ADAMTSL1: variants seen among roughly 807,000 people sequenced by gnomAD.
ADAMTSL1 encodes ADAMTS like 1.
In ADAMTSL1, 126 loss-of-function variants were observed where a neutral mutation model predicts 201.8. That is an observed-to-expected ratio of 0.62 (90% CI 0.54 to 0.72). ADAMTSL1 has a LOEUF of 0.72. Among genes scored for constraint, ADAMTSL1 ranks in the 30% least tolerant of loss-of-function variants. The pLI, the probability that ADAMTSL1 is intolerant of heterozygous loss-of-function variation, is 0.00. For synonymous variants in ADAMTSL1, 1,121 were observed against 903.4 expected, an observed-to-expected ratio of 1.24 and a Z score of -4.32; for missense variants, 2,679 against 2,277.8, an observed-to-expected ratio of 1.18 and a Z score of -3.59.
At chr9:17,997,771 A>G (rs563621357) in intron 1 of ADAMTSL1, among the ~76,000 whole-genome samples, 33 of 152,236 alleles carry the variant, frequency 2.2e-4, no homozygotes, top group African/African-American at 7.7e-4. Context: ...CATTTCAAAA[A>G]TGACAGTTGG....
At chr9:18,783,228 G>A (rs1313385454) in intron 19 of ADAMTSL1, among the ~76,000 whole-genome samples, 1 of 152,214 alleles carries the variant, frequency 6.6e-6, no homozygotes, top group African/African-American at 2.4e-5. Flanking sequence ...AAGTGCTGGT[G>A]TAGGATGAAA....
intron 4 of ADAMTSL1, among the ~76,000 whole-genome samples, chr9:18,596,799 A>T (rs569284438): frequency 1.4e-4 from 22 of 152,318 alleles, no homozygotes; most frequent in Non-Finnish European, 2.6e-4. Flanking sequence ...TGAGTACAGG[A>T]TGCAATGGGA....
rs145400486 is a variant in ADAMTSL1 at position 18,247,379 on chromosome 9, C to G, written c.207+83398C>G. 7.1e-3 allele frequency among the ~76,000 whole-genome samples: 1,077 copies of G among 152,252 alleles called. 17 individuals are homozygous for G. The highest frequency in any genetic ancestry group is 0.024 in the African/African-American group (1,010 of 41,558). ...AAACATCATTTATCTCTTTATTCAT[C>G]TATTTTCATCAATAATTTTCATTCA... On this transcript the variant is annotated intron_variant, in intron 2 of 29. Coordinates refer to the ADAMTSL1 transcript ENST00000680146.
intron 13 of ADAMTSL1, among the ~76,000 whole-genome samples, chr9:18,703,150 A>T (rs1159964554): frequency 1.3e-5 from 2 of 152,172 alleles, no homozygotes; most frequent in Non-Finnish European, 2.9e-5. Context: ...AACAAAAAAA[A>T]ATTTCCCTCT....
intron 2 of ADAMTSL1, among the ~76,000 whole-genome samples, chr9:18,341,032 A>T (rs542599536): frequency 2.6e-4 from 39 of 152,222 alleles, no homozygotes; most frequent in Admixed American, 1.3e-4. Context: ...TGATGACTAC[A>T]GTTTCCCAAC....
intron 1 of ADAMTSL1, among the ~76,000 whole-genome samples, chr9:18,113,105 T>C (rs1400722511): frequency 2.6e-5 from 4 of 152,120 alleles, no homozygotes; most frequent in Non-Finnish European, 5.9e-5. Context: ...TCTGAGCGAA[T>C]ACGGGGTACT....
chr9:17,914,984 T>C (rs925695816), intron 1 of ADAMTSL1, among the ~76,000 whole-genome samples: 2 of 152,232 alleles, frequency 1.3e-5, no homozygotes, highest in East Asian at 3.8e-4. Context: ...TATTTTCTTT[T>C]TTTACCATAA....
At position 18,039,135 on chromosome 9, in the gene ADAMTSL1, C is replaced by G. The variant is rs925618817; in HGVS notation, c.88-124727C>G. On this transcript the variant is annotated intron_variant, in intron 1 of 29. Transcript: ENST00000680146. ...AGAACTTTATAGAAAAAACATGACA[C>G]TAAATAGTTCAGGCCATTATTTTAG... Among the ~76,000 whole-genome samples the G allele has an allele frequency of 5.3e-5, 8 of 152,088 alleles. No homozygotes were observed. In the East Asian group the frequency reaches 7.7e-4, roughly 15 times the overall value.
At chr9:18,704,868 G>A (rs1245300537) in intron 13 of ADAMTSL1, among the ~76,000 whole-genome samples, 2 of 152,174 alleles carry the variant, frequency 1.3e-5, no homozygotes, top group Admixed American at 1.3e-4. Context: ...ATAATTCTGG[G>A]TGGCCATTCT....
intron 2 of ADAMTSL1, among the ~76,000 whole-genome samples, chr9:18,253,975 A>T (rs1269047908): frequency 1.3e-5 from 2 of 152,168 alleles, no homozygotes; most frequent in Non-Finnish European, 2.9e-5. Context: ...TTACGTGCCA[A>T]TTCACGTGCT....
chr9:18,571,416 C>CA (rs1247065909), intron 3 of ADAMTSL1, among the ~76,000 whole-genome samples: 4 of 152,148 alleles, frequency 2.6e-5, no homozygotes, highest in Non-Finnish European at 5.9e-5. Flanking sequence ...TATTGTATTT[C>CA]AGTATAATGA....
intron 14 of ADAMTSL1, among the ~76,000 whole-genome samples, chr9:18,712,749 C>T (rs981434564): frequency 5.3e-5 from 8 of 151,776 alleles, no homozygotes; most frequent in African/African-American, 1.2e-4. Context: ...ATACAGAGAA[C>T]GCCACAAAGA....
chr9:18,777,250 G>A lies in ADAMTSL1; in HGVS notation c.3021G>A (p.Lys1007=), dbSNP rs1328349395. Residue 1007 remains lysine, a synonymous_variant, in exon 19 of 29, where the codon AAG becomes AAA. Coordinates refer to ENST00000380548, the MANE Select transcript of ADAMTSL1 (RefSeq NM_001040272.6). ...HQNGIFSNGS[K]AEKRGLAANP... ...ACGGGATCTTCTCCAACGGCAGCAA[G>A]GCGGAGAAGCGGGGCCTGGCCGCCA... 2 of 1,612,294 alleles carry A rather than the reference G, an allele frequency of 1.2e-6. No homozygotes were observed. Among genetic ancestry groups the A allele is most frequent in the South Asian group, 1.1e-5 (1 of 91,048 alleles).
rs79475885 is a variant in ADAMTSL1 at position 18,447,157 on chromosome 9, C to T, written c.208-57672C>T. Among the ~76,000 whole-genome samples, 1,451 of 152,102 alleles carry T rather than the reference C, an allele frequency of 9.5e-3. 24 individuals are homozygous for T. The highest frequency in any genetic ancestry group is 0.033 in the African/African-American group (1,370 of 41,432). ...AAAATCAAAATAAATATTCAGCTGG[C>T]TTCATAATGAAGCAAATATTTTCTG... On this transcript the variant is annotated intron_variant, in intron 2 of 29. Transcript: ENST00000680146.
In ADAMTSL1 at chr9:18,254,345, GTTTTTTT is replaced by G. The variant is rs59026505; in HGVS notation, c.207+90393_207+90399del. Among the ~76,000 whole-genome samples, 1,226 of 49,282 alleles carry G rather than the reference GTTTTTTT, an allele frequency of 0.025. 37 individuals are homozygous for G. The Middle Eastern group carries it at 0.3, about 12-fold the overall frequency. 32.3% of individuals were successfully genotyped at this position (49,282 alleles called of 152,430 possible). A position where few individuals can be genotyped will look rare whatever the true frequency, so the allele number is the denominator to read the frequency against. ...GGAACTACCGTCAATACTCTTTTTG[GTTTTTTT>G]TTTTTTTTTTTTTTTTTTTTTTTTT... On this transcript the variant is annotated intron_variant, in intron 2 of 29. Transcript: ENST00000680146.
intron 2 of ADAMTSL1, among the ~76,000 whole-genome samples, chr9:18,177,715 G>C (rs1233338226): frequency 1.3e-5 from 2 of 152,142 alleles, no homozygotes; most frequent in Non-Finnish European, 2.9e-5. Context: ...TAGCTGGCTT[G>C]TAAGAGATCT....
chr9:18,076,510 A>T (rs146183058), intron 1 of ADAMTSL1, among the ~76,000 whole-genome samples: 14 of 152,346 alleles, frequency 9.2e-5, no homozygotes, highest in African/African-American at 2.9e-4. Context: ...CCTCCATGGG[A>T]TAATGAGGAA....
intron 14 of ADAMTSL1, among the ~76,000 whole-genome samples, chr9:18,720,533 C>G (rs1340926201): frequency 1.3e-5 from 2 of 152,216 alleles, no homozygotes; most frequent in Non-Finnish European, 2.9e-5. Flanking sequence ...CCTGTAATCC[C>G]AGCACTTTTA....
chr9:17,937,590 G>A (rs1035511711), intron 1 of ADAMTSL1, among the ~76,000 whole-genome samples: 3 of 50,868 alleles, frequency 5.9e-5, no homozygotes, highest in African/African-American at 1.2e-4. Flanking sequence ...TAGATGGAGG[G>A]GAGACTTGCT....
Sources: gnomAD v4.1 joint callset for allele counts (sites outside exome capture counted in the v4.1 genomes callset) on GRCh38, gnomAD v4.1.1 for gene constraint, MANE v1.5 for transcripts, NCBI Gene and HGNC (gene_info 2026-07-23, HGNC 2026-07-21) for gene names.